The following MAOB variants were observed in gnomAD, a reference collection of about 807,000 sequenced individuals.
MAOB encodes the protein monoamine oxidase B.
Under a neutral mutation model 41.9 loss-of-function variants are expected in MAOB, and 15 were observed. The observed-to-expected ratio is 0.36, with a 90% CI of 0.24 to 0.55. The LOEUF (loss-of-function observed/expected upper bound fraction) is 0.55, where lower values mean the gene tolerates loss of function less well. Among genes scored for constraint, MAOB ranks in the 20% least tolerant of loss-of-function variants. The pLI is 0.86. For synonymous variants in MAOB, 167 were observed against 144.2 expected, an observed-to-expected ratio of 1.16 and a Z score of -1.13; for missense variants, 345 against 398.7, an observed-to-expected ratio of 0.87 and a Z score of 1.15.
At chrX:43,864,657 G>C (rs769399762) in intron 1 of MAOB, among the ~76,000 whole-genome samples, 10 of 111,759 alleles carry the variant, frequency 8.9e-5, no homozygotes, top group East Asian at 5.6e-4. Flanking sequence ...AGATGGCCCA[G>C]AGTCAGCTTT....
At chrX:43,799,510 C>A (rs1222721962) in intron 5 of MAOB, among the ~76,000 whole-genome samples, 1 of 110,488 alleles carries the variant, frequency 9.1e-6, no homozygotes, top group Non-Finnish European at 1.9e-5. Context: ...TTATTGTTGG[C>A]AATTTGGTGG....
At chrX:43,857,407 C>T (rs1229948150) in intron 1 of MAOB, among the ~76,000 whole-genome samples, 3 of 108,811 alleles carry the variant, frequency 2.8e-5, no homozygotes, top group African/African-American at 1.0e-4. Context: ...CTTAAACTCC[C>T]GGCCTCAGAT....
intron 1 of MAOB, among the ~76,000 whole-genome samples, chrX:43,878,974 G>C (rs2035457320): frequency 8.9e-6 from 1 of 112,135 alleles, no homozygotes; most frequent in African/African-American, 3.2e-5. Flanking sequence ...GCTTCAAGTT[G>C]CCTTTTTTAG....
intron 3 of MAOB, among the ~76,000 whole-genome samples, chrX:43,816,707 C>T (rs189848286): frequency 8.9e-6 from 1 of 112,065 alleles, no homozygotes; most frequent in Non-Finnish European, 1.9e-5. Context: ...AAGGGATGTT[C>T]AATGTCCATA....
At position 43,803,393 on chromosome X, in the gene MAOB, G is replaced by T; in HGVS notation, c.291C>A (p.Tyr97Ter). ...RLIHHVKGKS[Y>*]PFRGPFPPVW... ...CAGGTGGGAATGGCCCCCTGAAGGG[G>T]TATGATTTGCCCTGTGAGATACAAG... Residue 97 changes from tyrosine to a stop codon, truncating the protein, a stop_gained, in exon 4 of 15, where the codon TAC becomes TAA. Transcript: ENST00000378069. LOFTEE classifies it high-confidence loss of function. 8.5e-7 allele frequency: 1 copy of T among 1,173,788 alleles called. No individual in the cohort carries two copies. Among genetic ancestry groups the T allele is most frequent in the East Asian group, 3.1e-5 (1 of 31,807 alleles).
At chrX:43,812,362 G>A (rs192917509) in intron 3 of MAOB, among the ~76,000 whole-genome samples, 2 of 112,381 alleles carry the variant, frequency 1.8e-5, no homozygotes, top group East Asian at 5.6e-4. Context: ...TGTATACCCA[G>A]CAGTGGGATT....
chrX:43,780,804 A>G (rs1174676091), intron 9 of MAOB, among the ~76,000 whole-genome samples: 1 of 111,749 alleles, frequency 8.9e-6, no homozygotes, highest in African/African-American at 3.3e-5. Flanking sequence ...CTAGCACCCA[A>G]CCTTCTAGAT....
At chrX:43,774,396 G>A (rs921241257) in intron 12 of MAOB, among the ~76,000 whole-genome samples, 3 of 111,922 alleles carry the variant, frequency 2.7e-5, no homozygotes, top group Admixed American at 9.5e-5. Context: ...TGTATGGTAT[G>A]TGAATTACGT....
At chrX:43,773,373 C>T (rs940105448) in intron 12 of MAOB, among the ~76,000 whole-genome samples, 5 of 112,049 alleles carry the variant, frequency 4.5e-5, no homozygotes, top group East Asian at 2.8e-4. Context: ...TATGTCAGTA[C>T]TTTAGAGTCA....
At chrX:43,799,314 C>A (rs2034565584) in intron 5 of MAOB, among the ~76,000 whole-genome samples, 1 of 112,139 alleles carries the variant, frequency 8.9e-6, no homozygotes, top group South Asian at 3.7e-4. Flanking sequence ...AAACACATAT[C>A]CAGACGTCAA....
chrX:43,857,106 TATATATATATAGAGAGAGAGAG>T (rs1433299088), intron 1 of MAOB, among the ~76,000 whole-genome samples: 106 of 24,437 alleles, frequency 4.3e-3, no homozygotes, highest in Non-Finnish European at 6.4e-3. Flanking sequence ...TATATATATA[TATATATATATAGAGAGAGAGAG>T]AGAGAGAGAG....
chrX:43,851,002 T>A (rs1315580382), intron 1 of MAOB, among the ~76,000 whole-genome samples: 1 of 112,314 alleles, frequency 8.9e-6, no homozygotes, highest in Non-Finnish European at 1.9e-5. Context: ...GAGTCTTGTT[T>A]AATAACCAAG....
chrX:43,833,123 C>G (rs2035036598), intron 3 of MAOB, among the ~76,000 whole-genome samples: 1 of 111,557 alleles, frequency 9.0e-6, no homozygotes, highest in African/African-American at 3.3e-5. Flanking sequence ...ATGCTCTGAC[C>G]CCATTGCATC....
intron 3 of MAOB, among the ~76,000 whole-genome samples, chrX:43,806,031 A>C (rs146138477): frequency 1.3e-3 from 152 of 112,645 alleles, no homozygotes; most frequent in African/African-American, 4.7e-3. Flanking sequence ...ACTTTGTTTT[A>C]CAAAGTAATA....
In MAOB at chrX:43,882,416, C is replaced by T. The variant is rs2035479605; in HGVS notation, c.-117G>A. The T allele has an allele frequency of 1.1e-5, 12 of 1,053,111 alleles. No homozygotes were observed. The highest frequency in any genetic ancestry group is 1.5e-5 in the Non-Finnish European group (12 of 820,484). The allele number at this position is 1,053,111 out of a possible 1,213,427, so 86.8% of individuals were successfully genotyped here. ...TGCCCGCCGGCCTGCTGCGCGCTGC[C>T]CCCGTGCACCAGCGCCTCGGCGAGC... On this transcript the variant is annotated 5_prime_UTR_variant, in exon 1 of 15. Coordinates refer to ENST00000378069, the MANE Select transcript of MAOB (RefSeq NM_000898.5).
chrX:43,782,512 C>CA (rs999884669), intron 8 of MAOB, among the ~76,000 whole-genome samples: 1 of 110,665 alleles, frequency 9.0e-6, no homozygotes, highest in Non-Finnish European at 1.9e-5. Context: ...GTCTACCAAC[C>CA]AAAAAAAGCC....
chrX:43,767,676 T>C, intron 14 of MAOB, 58 bp from the exon 15 acceptor site: 1 of 1,074,567 alleles, frequency 9.3e-7, no homozygotes, highest in Non-Finnish European at 1.3e-6. Context: ...TTCCAGAAAG[T>C]CTGTACTTTC....
At chrX:43,829,668 C>T (rs2034992145) in intron 3 of MAOB, among the ~76,000 whole-genome samples, 1 of 112,064 alleles carries the variant, frequency 8.9e-6, no homozygotes, top group Non-Finnish European at 1.9e-5. Flanking sequence ...TAAGGAACTT[C>T]ACTCATTGTT....
At chrX:43,795,971 C>T in intron 6 of MAOB, 83 bp from the exon 7 acceptor site, 2 of 965,456 alleles carry the variant, frequency 2.1e-6, no homozygotes, top group East Asian at 6.4e-5. Flanking sequence ...CATATGTCTA[C>T]TCTGAGATGT....
Sources: allele counts gnomAD v4.1 joint callset (sites outside exome capture counted in the v4.1 genomes callset), GRCh38; gene constraint gnomAD v4.1.1; transcripts MANE v1.5; gene names NCBI Gene and HGNC (gene_info 2026-07-23, HGNC 2026-07-21).